EPHA6: variants seen among roughly 807,000 people sequenced by gnomAD.
The protein encoded by EPHA6 is ephrin type-A receptor 6.
EPHA6 carries 50 observed loss-of-function variants against 112.0 expected under a neutral mutation model. The observed-to-expected ratio is 0.45, with a 90% confidence interval of 0.36 to 0.56. The LOEUF (loss-of-function observed/expected upper bound fraction) is 0.56, where lower values mean the gene tolerates loss of function less well. Among genes scored for constraint, EPHA6 ranks in the 20% least tolerant of loss-of-function variants. The probability of loss-of-function intolerance (pLI) is 0.00; values close to 1 mark genes in which losing one functional copy is unlikely to be tolerated. For synonymous variants in EPHA6, 529 were observed against 490.7 expected (o/e 1.08, Z -1.03); for missense variants, 1,280 against 1,417.4 (o/e 0.90, Z 1.56).
intron 5 of EPHA6, among the ~76,000 whole-genome samples, chr3:97,385,422 CAT>C (rs1348455283): frequency 1.3e-5 from 2 of 151,974 alleles, no homozygotes; most frequent in Admixed American, 6.6e-5. Flanking sequence ...AAAGACATAA[CAT>C]AATCTAGAAT....
intron 5 of EPHA6, among the ~76,000 whole-genome samples, chr3:97,277,216 G>A (rs895990497): frequency 3.3e-5 from 5 of 152,118 alleles, no homozygotes; most frequent in African/African-American, 1.2e-4. Context: ...GATGGGCTGA[G>A]TCCGAAAAGA....
chr3:97,599,294 T>G (rs1393038836), intron 12 of EPHA6, among the ~76,000 whole-genome samples: 12 of 150,794 alleles, frequency 8.0e-5, no homozygotes, highest in Admixed American at 2.7e-4. Flanking sequence ...GTCAATTTTG[T>G]CTTTTGTTGC....
chr3:97,242,138 A>G (rs568585290), intron 4 of EPHA6, among the ~76,000 whole-genome samples: 1 of 151,788 alleles, frequency 6.6e-6, no homozygotes, highest in South Asian at 2.1e-4. Context: ...AAAATGATTC[A>G]TTGCATTTCT....
chr3:97,335,618 G>C (rs1005694283), intron 5 of EPHA6, among the ~76,000 whole-genome samples: 3 of 152,032 alleles, frequency 2.0e-5, no homozygotes, highest in Non-Finnish European at 4.4e-5. Flanking sequence ...CCCTTACCCA[G>C]ATCTTCAAAA....
At chr3:97,225,873 T>G (rs778554636) in intron 3 of EPHA6, among the ~76,000 whole-genome samples, 23 of 152,202 alleles carry the variant, frequency 1.5e-4, no homozygotes, top group Admixed American at 2.6e-4. Flanking sequence ...AAATACATTT[T>G]GAACAGAATG....
intron 2 of EPHA6, among the ~76,000 whole-genome samples, chr3:96,876,279 A>C (rs1430424428): frequency 6.6e-6 from 1 of 151,470 alleles, no homozygotes; most frequent in Non-Finnish European, 1.5e-5. Flanking sequence ...TTAAGTGATA[A>C]ATTTACTCTT....
chr3:97,566,112 G>A (rs909182332), intron 11 of EPHA6, among the ~76,000 whole-genome samples: 1 of 152,100 alleles, frequency 6.6e-6, no homozygotes, highest in Non-Finnish European at 1.5e-5. Flanking sequence ...TCTGGTGAGA[G>A]TGCCAGGAAA....
intron 3 of EPHA6, among the ~76,000 whole-genome samples, chr3:97,079,346 G>A (rs2046642994): frequency 2.0e-5 from 3 of 152,058 alleles, no homozygotes; most frequent in African/African-American, 4.8e-5. Flanking sequence ...ACTAACACAG[G>A]AACAGAAAAC....
intron 13 of EPHA6, among the ~76,000 whole-genome samples, chr3:97,616,883 C>T (rs1055070614): frequency 6.6e-6 from 1 of 152,040 alleles, no homozygotes; most frequent in African/African-American, 2.4e-5. Flanking sequence ...TGAGAACTTA[C>T]CCAACCAAGC....
chr3:97,396,122 T>C (rs2086679137), intron 5 of EPHA6, among the ~76,000 whole-genome samples: 1 of 151,520 alleles, frequency 6.6e-6, no homozygotes, highest in South Asian at 2.1e-4. Context: ...CTGGAAAAAA[T>C]ATATTAAATG....
At chr3:97,062,651 T>C (rs948373942) in intron 3 of EPHA6, among the ~76,000 whole-genome samples, 4 of 152,188 alleles carry the variant, frequency 2.6e-5, no homozygotes, top group Non-Finnish European at 4.4e-5. Flanking sequence ...CCCCATACTG[T>C]TCTCATGGTG....
intron 5 of EPHA6, among the ~76,000 whole-genome samples, chr3:97,300,101 C>T (rs888202744): frequency 6.6e-6 from 1 of 152,110 alleles, no homozygotes; most frequent in Non-Finnish European, 1.5e-5. Context: ...GTGTTCATAA[C>T]TTTCAAGAAG....
chr3:97,555,960 A>G (rs139393690), intron 11 of EPHA6, among the ~76,000 whole-genome samples: 193 of 151,928 alleles, frequency 1.3e-3, no homozygotes, highest in African/African-American at 4.6e-3. Context: ...TCATATGCAA[A>G]CCACCCACGC....
At chr3:97,260,855 C>T (rs1055881292) in intron 5 of EPHA6, among the ~76,000 whole-genome samples, 13 of 152,076 alleles carry the variant, frequency 8.5e-5, no homozygotes, top group African/African-American at 3.1e-4. Context: ...TCCATAAATG[C>T]CAGTCACAGC....
At chr3:97,708,611 T>A (rs1259860200) in intron 14 of EPHA6, among the ~76,000 whole-genome samples, 2 of 152,212 alleles carry the variant, frequency 1.3e-5, no homozygotes, top group African/African-American at 4.8e-5. Context: ...AGAGGTCAAA[T>A]GTTAATCGCC....
intron 14 of EPHA6, among the ~76,000 whole-genome samples, chr3:97,664,748 G>A (rs1292975487): frequency 6.6e-6 from 1 of 152,024 alleles, no homozygotes; most frequent in Non-Finnish European, 1.5e-5. Flanking sequence ...AAAATACCTA[G>A]GAATCCAACT....
At chr3:97,022,044 A>C (rs2213254) in intron 3 of EPHA6, among the ~76,000 whole-genome samples, 30,388 of 152,074 alleles carry the variant, frequency 0.2, 3,173 homozygotes, top group Non-Finnish European at 0.22. Context: ...TGTGCTTGAC[A>C]CATATAATGA....
chr3:97,295,183 C>T (rs1476192812), intron 5 of EPHA6, among the ~76,000 whole-genome samples: 1 of 152,102 alleles, frequency 6.6e-6, no homozygotes, highest in African/African-American at 2.4e-5. Flanking sequence ...ACTTTGGTCT[C>T]CTCCTTACCT....
chr3:97,016,040 G>GA (rs1553688571), intron 3 of EPHA6, among the ~76,000 whole-genome samples: 3,883 of 91,962 alleles, frequency 0.042, 154 homozygotes, highest in African/African-American at 0.1. Flanking sequence ...CATTCTTCCT[G>GA]AAAAAAAAAA....
Sources: gnomAD v4.1 joint callset for allele counts (sites outside exome capture counted in the v4.1 genomes callset) on GRCh38, gnomAD v4.1.1 for gene constraint, MANE v1.5 for transcripts, NCBI Gene and HGNC (gene_info 2026-07-23, HGNC 2026-07-21) for gene names.